SLC9A9: variants seen among roughly 807,000 people sequenced by gnomAD.
SLC9A9 encodes sodium/hydrogen exchanger 9.
SLC9A9 carries 62 observed loss-of-function variants against 77.8 expected under a neutral mutation model. The ratio of observed to expected loss-of-function variants is 0.80; its 90% CI spans 0.65 to 0.98. SLC9A9 has a LOEUF of 0.98. Ranked by LOEUF, SLC9A9 falls within the 50% of genes least tolerant of loss-of-function variation. The pLI is 0.00. For synonymous variants in SLC9A9, 320 were observed against 283.5 expected, an observed-to-expected ratio of 1.13 and a Z score of -1.29; for missense variants, 775 against 774.9, an observed-to-expected ratio of 1.00 and a Z score of 0.00.
At chr3:143,471,552 C>T (rs1282255077) in intron 11 of SLC9A9, among the ~76,000 whole-genome samples, 2 of 152,152 alleles carry the variant, frequency 1.3e-5, no homozygotes, top group Non-Finnish European at 2.9e-5. Context: ...CCAAAAAACA[C>T]ACACCATTTC....
chr3:143,343,226 A>G (rs1480681737), intron 14 of SLC9A9: 1 of 152,064 alleles, frequency 6.6e-6, no homozygotes, highest in Non-Finnish European at 1.5e-5. Flanking sequence ...TTTTTTTCCC[A>G]CTTCTTTTCC....
At chr3:143,292,100 C>A (rs1042747688) in intron 14 of SLC9A9, among the ~76,000 whole-genome samples, 5 of 152,326 alleles carry the variant, frequency 3.3e-5, no homozygotes, top group Admixed American at 2.0e-4. Context: ...AGCTTTAGAA[C>A]CAGCAGAAGC....
intron 12 of SLC9A9, among the ~76,000 whole-genome samples, chr3:143,456,211 T>TTA (rs2035088988): frequency 6.6e-6 from 1 of 152,196 alleles, no homozygotes; most frequent in Non-Finnish European, 1.5e-5. Flanking sequence ...TGATTGATAT[T>TTA]TACCTACTAA....
At chr3:143,777,829 C>G (rs1324673971) in intron 4 of SLC9A9, among the ~76,000 whole-genome samples, 1 of 150,596 alleles carries the variant, frequency 6.6e-6, no homozygotes, top group Non-Finnish European at 1.5e-5. Flanking sequence ...ATTCTCCTGT[C>G]TTAGCCTCCT....
intron 1 of SLC9A9, among the ~76,000 whole-genome samples, chr3:143,833,427 C>T (rs1195602098): frequency 1.3e-5 from 2 of 152,190 alleles, no homozygotes; most frequent in Non-Finnish European, 1.5e-5. Context: ...CTGGGAAGCA[C>T]TCTGTGATAC....
intron 11 of SLC9A9, among the ~76,000 whole-genome samples, chr3:143,474,705 G>A (rs992219335): frequency 2.6e-5 from 4 of 151,998 alleles, no homozygotes; most frequent in African/African-American, 9.7e-5. Flanking sequence ...TTAGATATGA[G>A]TGTGGAGTTC....
intron 14 of SLC9A9, among the ~76,000 whole-genome samples, chr3:143,351,138 C>G (rs1034177672): frequency 2.6e-5 from 4 of 152,200 alleles, no homozygotes; most frequent in Admixed American, 1.3e-4. Context: ...TATATCACAA[C>G]CCAGGGTACA....
At chr3:143,764,931 C>T (rs1258123646) in intron 4 of SLC9A9, among the ~76,000 whole-genome samples, 1 of 151,308 alleles carries the variant, frequency 6.6e-6, no homozygotes, top group Non-Finnish European at 1.5e-5. Context: ...AACCAGGAAA[C>T]ATTTTTCTTT....
At chr3:143,492,746 A>G (rs2035770201) in intron 11 of SLC9A9, among the ~76,000 whole-genome samples, 1 of 152,222 alleles carries the variant, frequency 6.6e-6, no homozygotes, top group African/African-American at 2.4e-5. Context: ...GTGCTAATAA[A>G]TGTTCATTTC....
chr3:143,386,242 C>T (rs146168338), intron 12 of SLC9A9, among the ~76,000 whole-genome samples: 1 of 152,216 alleles, frequency 6.6e-6, no homozygotes, highest in Non-Finnish European at 1.5e-5. Flanking sequence ...TCTTTGGCGA[C>T]CCTGGCTCAC....
intron 12 of SLC9A9, among the ~76,000 whole-genome samples, chr3:143,391,550 C>T (rs1039242018): frequency 1.3e-5 from 2 of 152,220 alleles, no homozygotes; most frequent in Admixed American, 6.5e-5. Flanking sequence ...GCGCCTCTCC[C>T]CCTCCAAAGG....
intron 4 of SLC9A9, among the ~76,000 whole-genome samples, chr3:143,741,540 T>G (rs547559875): frequency 3.9e-5 from 6 of 152,178 alleles, no homozygotes; most frequent in Non-Finnish European, 8.8e-5. Flanking sequence ...AGTAGGGGAA[T>G]GTAACTTGTC....
intron 9 of SLC9A9, among the ~76,000 whole-genome samples, chr3:143,518,563 T>A (rs2036242887): frequency 6.6e-6 from 1 of 152,250 alleles, no homozygotes; most frequent in African/African-American, 2.4e-5. Flanking sequence ...ATTACCTTGC[T>A]TTTCACTATA....
At chr3:143,841,732 A>C (rs1258941434) in intron 1 of SLC9A9, among the ~76,000 whole-genome samples, 1 of 151,974 alleles carries the variant, frequency 6.6e-6, no homozygotes, top group East Asian at 1.9e-4. Context: ...TATTTAGTTT[A>C]CTTATCCAAA....
intron 4 of SLC9A9, among the ~76,000 whole-genome samples, chr3:143,750,939 G>A (rs2006692882): frequency 6.6e-6 from 1 of 152,118 alleles, no homozygotes; most frequent in South Asian, 2.1e-4. Flanking sequence ...TATGTGATTA[G>A]ATAAATATTT....
intron 13 of SLC9A9, among the ~76,000 whole-genome samples, chr3:143,378,445 T>C (rs1339465466): frequency 6.6e-6 from 1 of 152,232 alleles, no homozygotes; most frequent in African/African-American, 2.4e-5. Context: ...CAGGGTTATC[T>C]TGGAAATTAA....
intron 8 of SLC9A9, among the ~76,000 whole-genome samples, chr3:143,557,142 G>C (rs2036998991): frequency 6.6e-6 from 1 of 152,138 alleles, no homozygotes; most frequent in African/African-American, 2.4e-5. Context: ...GATAGTGAGT[G>C]AGTTCTCACT....
Position 143,795,523 on chromosome 3 carries a change from GA to G in SLC9A9, c.457-447del, listed in dbSNP as rs1177507537. 3.9e-5 allele frequency among the ~76,000 whole-genome samples: 6 copies of G among 152,246 alleles called. No individual in the cohort carries two copies. The East Asian group carries it at 1.2e-3, about 29-fold the overall frequency. On this transcript the variant is annotated intron_variant, in intron 3 of 15. Coordinates refer to ENST00000316549, the MANE Select transcript of SLC9A9 (RefSeq NM_173653.4). ...TTTACGTTGCCTGTTGATTTTACTG[GA>G]TGTCTGACTTCTCTTTTATATCTTC...
At chr3:143,380,720 A>G (rs1322800040) in intron 13 of SLC9A9, among the ~76,000 whole-genome samples, 1 of 152,160 alleles carries the variant, frequency 6.6e-6, no homozygotes, top group Non-Finnish European at 1.5e-5. Context: ...CTTGGAACAC[A>G]TGTGACAAAA....
Sources: gnomAD v4.1 joint callset for allele counts (sites outside exome capture counted in the v4.1 genomes callset) on GRCh38, gnomAD v4.1.1 for gene constraint, MANE v1.5 for transcripts, NCBI Gene and HGNC (gene_info 2026-07-23, HGNC 2026-07-21) for gene names.